The following KCTD9 variants were observed in gnomAD, a reference collection of about 807,000 sequenced individuals.
The protein encoded by KCTD9 is potassium channel tetramerization domain containing 9, also known as BTB/POZ domain-containing protein KCTD9.
KCTD9 carries 17 observed loss-of-function variants against 53.3 expected under a neutral mutation model. The ratio of observed to expected loss-of-function variants is 0.32; its 90% confidence interval spans 0.22 to 0.48. KCTD9 has a LOEUF of 0.48. KCTD9 is among the 20% of genes least tolerant of loss of function. KCTD9 has a pLI of 0.99. For missense variants in KCTD9, 179 were observed against 465.5 expected (o/e 0.38, Z 5.66); for synonymous variants, 128 against 162.7 (o/e 0.79, Z 1.62).
At chr8:25,443,471 T>TA (rs66596013) in intron 3 of KCTD9, among the ~76,000 whole-genome samples, 61,210 of 151,932 alleles carry the variant, frequency 0.4, 12,736 homozygotes, top group African/African-American at 0.51. Context: ...TTAATAACAA[T>TA]AAAAAAACCT....
intron 6 of KCTD9, among the ~76,000 whole-genome samples, chr8:25,438,263 G>GT (rs1456708655): frequency 5.4e-5 from 8 of 149,466 alleles, no homozygotes; most frequent in African/African-American, 2.0e-4. Context: ...CAAGAATTTA[G>GT]TTATAAAGTT....
intron 1 of KCTD9, 31 bp downstream of exon 1, chr8:25,458,168 G>GCCCCCCCC: frequency 1.7e-6 from 1 of 600,284 alleles, no homozygotes; most frequent in Non-Finnish European, 2.4e-6. Context: ...CCCGACCCCC[G>GCCCCCCCC]GCCCGCCGCG....
chr8:25,439,548 A>G, intron 5 of KCTD9, 58 bp downstream of exon 5: 2 of 1,598,452 alleles, frequency 1.3e-6, no homozygotes, highest in Non-Finnish European at 1.7e-6. Flanking sequence ...GGAGTTATAA[A>G]GTCAGCACAG....
At position 25,437,777 on chromosome 8, in the gene KCTD9, G is replaced by A. The variant is rs558941581; in HGVS notation, c.500-1292C>T. Among the ~76,000 whole-genome samples the A allele has an allele frequency of 2.1e-5, 3 of 144,870 alleles. No individual in the cohort carries two copies. In the South Asian group the frequency reaches 6.5e-4, roughly 32 times the overall value. ...GCAGGAGAATCACTTGAACCCAGGAGGCATAGGTTGCAGTGAGCAGAGATC... is the reference window on the plus strand; with the variant it reads ...GCAGGAGAATCACTTGAACCCAGGAAGCATAGGTTGCAGTGAGCAGAGATC... On this transcript the variant is annotated intron_variant, in intron 6 of 11. Transcript: ENST00000221200.
rs775428475 is a variant in KCTD9, at chr8:25,437,124, C to T, written c.500-639G>A. 3.3e-5 allele frequency among the ~76,000 whole-genome samples: 5 copies of T among 152,292 alleles called. No individual in the cohort carries two copies. The East Asian group carries it at 7.7e-4, about 24-fold the overall frequency. ...GTCAACAATCCAATTGTAAAACAAACGTCATCCAAGGTACAGCATCGGGCT... is the reference window on the plus strand; with the variant it reads ...GTCAACAATCCAATTGTAAAACAAATGTCATCCAAGGTACAGCATCGGGCT... On this transcript the variant is annotated intron_variant, in intron 6 of 11. Coordinates refer to ENST00000221200, the MANE Select transcript of KCTD9 (RefSeq NM_017634.4).
intron 1 of KCTD9, among the ~76,000 whole-genome samples, chr8:25,454,902 G>C (rs2117449158): frequency 6.6e-6 from 1 of 152,284 alleles, no homozygotes; most frequent in South Asian, 2.1e-4. Flanking sequence ...TAAATTTAGT[G>C]AAATTCTGCC....
intron 3 of KCTD9, 27 bp downstream of exon 3, chr8:25,444,265 A>C: frequency 7.8e-7 from 1 of 1,287,822 alleles, no homozygotes; most frequent in African/African-American, 1.8e-5. Context: ...TTTTTGGCAG[A>C]TAAAATTGGC....
chr8:25,452,543 G>C (rs187832491), intron 1 of KCTD9, among the ~76,000 whole-genome samples: 122 of 152,230 alleles, frequency 8.0e-4, no homozygotes, highest in African/African-American at 2.6e-3. Context: ...CCCCACCCCA[G>C]ACCTACTGAA....
intron 1 of KCTD9, among the ~76,000 whole-genome samples, chr8:25,454,098 G>A (rs1161300071): frequency 6.6e-6 from 1 of 152,096 alleles, no homozygotes; most frequent in African/African-American, 2.4e-5. Context: ...TGTTGCCCAG[G>A]CTGGTCTTGA....
At chr8:25,434,032 C>CACA (rs1474024214) in intron 9 of KCTD9, among the ~76,000 whole-genome samples, 8 of 152,212 alleles carry the variant, frequency 5.3e-5, no homozygotes, top group Admixed American at 5.2e-4. Context: ...CCTGAGCAGG[C>CACA]ACATCACAAT....
rs928352408 is a variant in KCTD9 at position 25,427,988 on chromosome 8, A to G, written c.*1869T>C. ...TGAAGAAATGTAAGCAAAATACAGA[A>G]AGTGATGATTTTCAAAAGGAAGAGA... On this transcript the variant is annotated 3_prime_UTR_variant, in exon 12 of 12. Coordinates refer to ENST00000221200, the MANE Select transcript of KCTD9 (RefSeq NM_017634.4). The G allele has an allele frequency of 3.9e-5, 6 of 152,274 alleles. No individual in the cohort carries two copies. Among genetic ancestry groups the G allele is most frequent in the African/African-American group, 1.4e-4 (6 of 41,456 alleles). 9.4% of individuals were successfully genotyped at this position (152,274 alleles called of 1,614,324 possible). A position where few individuals can be genotyped will look rare whatever the true frequency, so the allele number is the denominator to read the frequency against.
chr8:25,433,281 T>C (rs1356580037), intron 10 of KCTD9, 49 bp downstream of exon 10: 6 of 1,069,434 alleles, frequency 5.6e-6, no homozygotes, highest in African/African-American at 4.8e-5. Flanking sequence ...CTTTTTTCCT[T>C]TACAGTCTGC....
At position 25,450,540 on chromosome 8, in the gene KCTD9, G is replaced by T. The variant is rs78776274; in HGVS notation, c.49-4290C>A. 8.0e-3 allele frequency: 6,336 copies of T among 794,942 alleles called. 38 individuals carry two copies. Among genetic ancestry groups the T allele is most frequent in the Non-Finnish European group, 8.8e-3 (5,745 of 656,100 alleles). The allele number at this position is 794,942 out of a possible 1,614,324, so 49.2% of individuals were successfully genotyped here. ...TGCAATTCTAAAGCAGTCTGGGCATGGTGGCTCAAGCCTGTAATGCCGGCA... is the reference window on the plus strand; with the variant it reads ...TGCAATTCTAAAGCAGTCTGGGCATTGTGGCTCAAGCCTGTAATGCCGGCA... On this transcript the variant is annotated intron_variant, in intron 1 of 11. Coordinates refer to ENST00000221200, the MANE Select transcript of KCTD9 (RefSeq NM_017634.4).
chr8:25,429,884 T>C lies in KCTD9; in HGVS notation c.1143A>G (p.Pro381=). 3.1e-6 allele frequency: 5 copies of C among 1,590,586 alleles called. No individual in the cohort carries two copies. The highest frequency in any genetic ancestry group is 1.7e-4 in the Middle Eastern group (1 of 5,814). ...ATCTGACACTTTGTGACATGTGTAG[T>C]GGTGTCAGCATCTCTTCAAATATAG... The part of the protein sequence containing the change: ...KGAIFEEMLT[P]LHMSQSVR Residue 381 remains proline, a synonymous_variant, in exon 12 of 12, where the codon CCA becomes CCG. Transcript: ENST00000221200.
intron 9 of KCTD9, among the ~76,000 whole-genome samples, chr8:25,434,500 A>C (rs1460456522): frequency 1.3e-5 from 2 of 151,904 alleles, no homozygotes; most frequent in Non-Finnish European, 2.9e-5. Context: ...CTATTTAAAG[A>C]TTAGGTCCTT....
intron 6 of KCTD9, among the ~76,000 whole-genome samples, chr8:25,437,847 C>CA (rs59540797): frequency 0.044 from 2,765 of 62,432 alleles, 269 homozygotes; most frequent in African/African-American, 0.076. Flanking sequence ...GACCCTGTCT[C>CA]AAAAAAAAAA....
intron 9 of KCTD9, among the ~76,000 whole-genome samples, chr8:25,434,069 G>A (rs971134422): frequency 6.6e-6 from 1 of 152,064 alleles, no homozygotes; most frequent in African/African-American, 2.4e-5. Flanking sequence ...AGAGTAAAAT[G>A]GTAGAAAATA....
At chr8:25,429,996 A>C in intron 11 of KCTD9, 23 bp from the exon 12 acceptor site, 1 of 1,243,388 alleles carries the variant, frequency 8.0e-7, no homozygotes, top group Non-Finnish European at 1.2e-6. Flanking sequence ...AACAATATTC[A>C]TGTAATTCAT....
intron 3 of KCTD9, among the ~76,000 whole-genome samples, chr8:25,443,592 A>G (rs911354903): frequency 2.6e-5 from 4 of 152,212 alleles, no homozygotes; most frequent in Non-Finnish European, 5.9e-5. Flanking sequence ...TCTTGCTTAC[A>G]GTTTTAAGGT....
Sources: gnomAD v4.1 joint callset for allele counts (sites outside exome capture counted in the v4.1 genomes callset) on GRCh38, gnomAD v4.1.1 for gene constraint, MANE v1.5 for transcripts, NCBI Gene and HGNC (gene_info 2026-07-23, HGNC 2026-07-21) for gene names.